Variants in EYS observed in about 807,000 individuals in gnomAD.
The protein encoded by EYS is protein eyes shut homolog.
EYS carries 250 observed loss-of-function variants against 282.1 expected under a neutral mutation model. That is an observed-to-expected ratio of 0.89 (90% CI 0.80 to 0.98). The LOEUF is 0.98. Among genes scored for constraint, EYS ranks in the 50% least tolerant of loss-of-function variants. The probability of loss-of-function intolerance (pLI) is 0.00; values close to 1 mark genes in which losing one functional copy is unlikely to be tolerated. For missense variants in EYS, 4,016 were observed against 3,709.0 expected, an observed-to-expected ratio of 1.08 and a Z score of -2.15; for synonymous variants, 1,355 against 1,282.9, an observed-to-expected ratio of 1.06 and a Z score of -1.20.
chr6:64,271,601 A>G (rs566010035), intron 30 of EYS, among the ~76,000 whole-genome samples: 2 of 152,154 alleles, frequency 1.3e-5, no homozygotes, highest in East Asian at 3.8e-4. Context: ...GAAGTCAGAG[A>G]AAGAGTGTCA....
intron 35 of EYS, among the ~76,000 whole-genome samples, chr6:63,954,544 G>A (rs1012580020): frequency 2.0e-5 from 3 of 152,100 alleles, no homozygotes; most frequent in Non-Finnish European, 1.5e-5. Context: ...TCTCAAGGCC[G>A]CTTTACTTCC....
At chr6:64,083,529 G>A (rs955562901) in intron 31 of EYS, among the ~76,000 whole-genome samples, 12 of 152,094 alleles carry the variant, frequency 7.9e-5, no homozygotes, top group African/African-American at 2.9e-4. Context: ...CTTTGAATGG[G>A]GAGAAAGTAA....
intron 2 of EYS, among the ~76,000 whole-genome samples, chr6:65,637,956 A>G (rs1767146974): frequency 6.6e-6 from 1 of 152,184 alleles, no homozygotes; most frequent in South Asian, 2.1e-4. Flanking sequence ...ATCCCAGGTG[A>G]AACCCCACCT....
At chr6:64,202,162 G>A (rs1320724259) in intron 31 of EYS, among the ~76,000 whole-genome samples, 1 of 152,184 alleles carries the variant, frequency 6.6e-6, no homozygotes, top group Non-Finnish European at 1.5e-5. Flanking sequence ...GCAGACTGCT[G>A]TCAATGTGAG....
At chr6:64,991,795 T>C (rs1038596603) in intron 14 of EYS, among the ~76,000 whole-genome samples, 1 of 151,780 alleles carries the variant, frequency 6.6e-6, no homozygotes, top group Admixed American at 6.6e-5. Context: ...TGAAATATGC[T>C]GTTAAAAACA....
At chr6:64,770,716 G>A (rs1386243987) in intron 22 of EYS, among the ~76,000 whole-genome samples, 3 of 151,778 alleles carry the variant, frequency 2.0e-5, no homozygotes, top group East Asian at 3.9e-4. Flanking sequence ...ATTTCTAGGT[G>A]AATTATTATT....
chr6:64,365,845 A>G (rs1772164412), intron 29 of EYS, among the ~76,000 whole-genome samples: 1 of 152,016 alleles, frequency 6.6e-6, no homozygotes. Context: ...ATATATTTGG[A>G]CTGTGGTTGT....
At chr6:65,273,024 C>T (rs991100328) in intron 12 of EYS, among the ~76,000 whole-genome samples, 7 of 152,050 alleles carry the variant, frequency 4.6e-5, no homozygotes, top group Admixed American at 1.3e-4. Flanking sequence ...ATAACCGTAA[C>T]AGTCAATTTA....
intron 26 of EYS, among the ~76,000 whole-genome samples, chr6:64,482,939 C>T (rs1331329823): frequency 2.0e-5 from 3 of 151,618 alleles, no homozygotes; most frequent in Non-Finnish European, 3.0e-5. Flanking sequence ...TGGCAGCGTC[C>T]ACTGACCTCC....
rs144675898 is a variant in EYS at position 64,812,417 on chromosome 6, T to G, written c.3443+961A>C. On this transcript the variant is annotated intron_variant, in intron 22 of 42. Coordinates refer to ENST00000503581, the MANE Select transcript of EYS (RefSeq NM_001142800.2). ...TTAATATTCTTGAACTTATATGAAATTAGCTTTTATGTATGTCTTACTAGA... is the reference window on the plus strand; with the variant it reads ...TTAATATTCTTGAACTTATATGAAAGTAGCTTTTATGTATGTCTTACTAGA... Among the ~76,000 whole-genome samples, 700 of 152,162 alleles carry G rather than the reference T, an allele frequency of 4.6e-3. 4 individuals carry two copies. Among genetic ancestry groups the G allele is most frequent in the African/African-American group, 0.016 (659 of 41,544 alleles).
intron 28 of EYS, among the ~76,000 whole-genome samples, chr6:64,419,974 G>A (rs895839665): frequency 6.6e-6 from 1 of 152,214 alleles, no homozygotes; most frequent in African/African-American, 2.4e-5. Flanking sequence ...TTTCCCTTCT[G>A]CACTGCCCTA....
chr6:65,144,568 TA>T (rs1231634336), intron 12 of EYS, among the ~76,000 whole-genome samples: 2 of 152,124 alleles, frequency 1.3e-5, no homozygotes, highest in Non-Finnish European at 2.9e-5. Flanking sequence ...TATTTGTGCT[TA>T]AAAACTTAAT....
At chr6:64,314,721 T>C (rs1769869192) in intron 29 of EYS, among the ~76,000 whole-genome samples, 1 of 152,090 alleles carries the variant, frequency 6.6e-6, no homozygotes, top group African/African-American at 2.4e-5. Flanking sequence ...AGATGTTCTT[T>C]GAAACCAATG....
At chr6:65,212,058 T>C (rs1288515863) in intron 12 of EYS, among the ~76,000 whole-genome samples, 1 of 151,048 alleles carries the variant, frequency 6.6e-6, no homozygotes, top group Non-Finnish European at 1.5e-5. Flanking sequence ...AACATAGACA[T>C]AGAGATTCAG....
intron 12 of EYS, among the ~76,000 whole-genome samples, chr6:65,067,907 C>T (rs1036210267): frequency 3.3e-5 from 5 of 152,060 alleles, no homozygotes; most frequent in Non-Finnish European, 4.4e-5. Flanking sequence ...AAGGGATATG[C>T]TTATTAAAGA....
At chr6:65,700,012 G>A (rs372491489) in intron 1 of EYS, among the ~76,000 whole-genome samples, 1 of 150,316 alleles carries the variant, frequency 6.7e-6, no homozygotes, top group Non-Finnish European at 1.5e-5. Flanking sequence ...CTAGTCGGGA[G>A]GCTGAGGCAG....
chr6:64,454,478 A>G lies in EYS; in HGVS notation c.5645-15126T>C, dbSNP rs150420499. Among the ~76,000 whole-genome samples the G allele has an allele frequency of 8.0e-3, 1,222 of 152,292 alleles. 9 individuals are homozygous for G. Among genetic ancestry groups the G allele is most frequent in the Non-Finnish European group, 0.012 (839 of 68,012 alleles). On this transcript the variant is annotated intron_variant, in intron 26 of 42. Coordinates refer to ENST00000503581, the MANE Select transcript of EYS (RefSeq NM_001142800.2). ...ATTCCATTGATTTTACTGAAAATGTATAAGTACACTTGACCCTTGAACAAC... is the reference window on the plus strand; with the variant it reads ...ATTCCATTGATTTTACTGAAAATGTGTAAGTACACTTGACCCTTGAACAAC...
At position 65,463,863 on chromosome 6, in the gene EYS, C is replaced by T. The variant is rs576800728; in HGVS notation, c.862+26731G>A. On this transcript the variant is annotated intron_variant, in intron 5 of 42. Transcript: ENST00000503581. ...TTTGTATTCTATTGCTCAAGGTCAT[C>T]ACCAAGGTCTGACTGCAAAAATTCA... 6.6e-5 allele frequency among the ~76,000 whole-genome samples: 10 copies of T among 152,200 alleles called. No individual in the cohort carries two copies. The South Asian group carries it at 2.1e-3, about 32-fold the overall frequency.
At chr6:65,159,217 A>G (rs545364278) in intron 12 of EYS, among the ~76,000 whole-genome samples, 2 of 150,798 alleles carry the variant, frequency 1.3e-5, no homozygotes, top group Non-Finnish European at 3.0e-5. Context: ...AATTATTGAG[A>G]TCCATTATAG....
Sources: gnomAD v4.1 joint callset for allele counts (sites outside exome capture counted in the v4.1 genomes callset) on GRCh38, gnomAD v4.1.1 for gene constraint, MANE v1.5 for transcripts, NCBI Gene and HGNC (gene_info 2026-07-23, HGNC 2026-07-21) for gene names.